WDR25: variants seen among roughly 807,000 people sequenced by gnomAD.
WDR25 encodes WD repeat domain 25, also known as WD repeat-containing protein 25.
In WDR25, 35 loss-of-function variants were observed where a neutral mutation model predicts 47.7. The ratio of observed to expected loss-of-function variants is 0.73; its 90% CI spans 0.56 to 0.97. The LOEUF is 0.97. WDR25 is among the 50% of genes least tolerant of loss of function. WDR25 has a pLI of 0.00. For synonymous variants in WDR25, 248 were observed against 278.9 expected, an observed-to-expected ratio of 0.89 and a Z score of 1.10; for missense variants, 634 against 704.7, an observed-to-expected ratio of 0.90 and a Z score of 1.14.
chr14:100,437,213 G>C (rs1412176785), intron 2 of WDR25, among the ~76,000 whole-genome samples: 3 of 152,166 alleles, frequency 2.0e-5, no homozygotes, highest in East Asian at 3.8e-4. Flanking sequence ...CCACACGTTG[G>C]TCTTGCTCCT....
chr14:100,494,123 A>G (rs1900655782), intron 4 of WDR25, among the ~76,000 whole-genome samples: 2 of 152,220 alleles, frequency 1.3e-5, no homozygotes, highest in Non-Finnish European at 2.9e-5. Flanking sequence ...CAATGCTGTG[A>G]TCACAGCTTA....
At chr14:100,459,930 A>G (rs1168333097) in intron 2 of WDR25, among the ~76,000 whole-genome samples, 5 of 110,268 alleles carry the variant, frequency 4.5e-5, no homozygotes, top group South Asian at 2.8e-4. Flanking sequence ...ATATATATAT[A>G]TATATATATA....
intron 4 of WDR25, among the ~76,000 whole-genome samples, chr14:100,519,593 G>T (rs1458102503): frequency 6.7e-6 from 1 of 150,212 alleles, no homozygotes; most frequent in Admixed American, 6.7e-5. Context: ...ACCATGGTAA[G>T]TAGAGATATG....
chr14:100,480,324 T>C (rs1900158483), intron 3 of WDR25, among the ~76,000 whole-genome samples: 1 of 152,246 alleles, frequency 6.6e-6, no homozygotes, highest in African/African-American at 2.4e-5. Flanking sequence ...TCTTGTGCTA[T>C]CTGCACTGCA....
At chr14:100,524,002 C>T (rs1383919505) in intron 4 of WDR25, among the ~76,000 whole-genome samples, 1 of 152,148 alleles carries the variant, frequency 6.6e-6, no homozygotes, top group African/African-American at 2.4e-5. Flanking sequence ...ACTTCAAAGG[C>T]CAGCCTTCCA....
intron 2 of WDR25, among the ~76,000 whole-genome samples, chr14:100,389,501 A>G (rs74087621): frequency 0.017 from 2,614 of 152,058 alleles, 87 homozygotes; most frequent in African/African-American, 0.06. Flanking sequence ...TCTCATGCGG[A>G]CCCCTCATAT....
intron 2 of WDR25, among the ~76,000 whole-genome samples, chr14:100,386,775 C>A (rs745592123): frequency 6.6e-6 from 1 of 152,128 alleles, no homozygotes; most frequent in Non-Finnish European, 1.5e-5. Flanking sequence ...CGGCTGTAGT[C>A]CCAGCTGCTC....
At chr14:100,379,942 A>G (rs1377336803) in intron 1 of WDR25, among the ~76,000 whole-genome samples, 1 of 149,436 alleles carries the variant, frequency 6.7e-6, no homozygotes, top group Non-Finnish European at 1.5e-5. Context: ...GGGTTTCACT[A>G]TGTTGGCCAG....
chr14:100,466,544 T>TGCCATGTGCTGTGCAGCCATTAC (rs1899634121), intron 2 of WDR25, among the ~76,000 whole-genome samples: 1 of 152,240 alleles, frequency 6.6e-6, no homozygotes, highest in Non-Finnish European at 1.5e-5. Flanking sequence ...CCAGCCATTA[T>TGCCATGTGCTGTGCAGCCATTAC]GCCATGTGCT....
At chr14:100,469,138 C>T (rs1899743402) in intron 3 of WDR25, among the ~76,000 whole-genome samples, 1 of 152,122 alleles carries the variant, frequency 6.6e-6, no homozygotes, top group Non-Finnish European at 1.5e-5. Flanking sequence ...ATCTTGCCTG[C>T]CTAGCCCCGC....
chr14:100,446,550 C>CAA (rs55946078), intron 2 of WDR25, among the ~76,000 whole-genome samples: 18 of 74,958 alleles, frequency 2.4e-4, no homozygotes, highest in African/African-American at 7.4e-4. Flanking sequence ...GACTCCATCT[C>CAA]AAAAAAAAAA....
chr14:100,457,438 C>A (rs1899242307), intron 2 of WDR25, among the ~76,000 whole-genome samples: 1 of 152,218 alleles, frequency 6.6e-6, no homozygotes, highest in South Asian at 2.1e-4. Flanking sequence ...ACCAAAACCA[C>A]TGTCAACCCC....
At position 100,497,551 on chromosome 14, in the gene WDR25, C is replaced by T. The variant is rs145361132; in HGVS notation, c.1101+13427C>T. On this transcript the variant is annotated intron_variant, in intron 4 of 6. Coordinates refer to ENST00000402312, the MANE Select transcript of WDR25 (RefSeq NM_001161476.3). ...CTGTACTAGTCACTTCTCTGAGTTT[C>T]TGTCTCTCTCTCACAAGCCACCTGC... is the stretch of plus-strand genomic sequence containing the variant. Among the ~76,000 whole-genome samples, 20 of 152,326 alleles carry T rather than the reference C, an allele frequency of 1.3e-4. No individual in the cohort carries two copies. In the East Asian group the frequency reaches 3.9e-3, roughly 29 times the overall value.
At chr14:100,451,510 T>A (rs1208273327) in intron 2 of WDR25, among the ~76,000 whole-genome samples, 1 of 152,220 alleles carries the variant, frequency 6.6e-6, no homozygotes, top group African/African-American at 2.4e-5. Flanking sequence ...ATCAGCCACC[T>A]TGCCTGGCTC....
rs568960378 is a variant in WDR25 at position 100,404,323 on chromosome 14, C to A, written c.822+22577C>A. On this transcript the variant is annotated intron_variant, in intron 2 of 6. Transcript: ENST00000402312. This position sits in a 1 kb window ranked among gnomAD's most constrained non-coding sequence, Gnocchi z 4.6. ...CTATGTTCGTTCCACTCTCCCACGCCAGCCCGTAAGTGTAAAGCAGATGTT... is the reference window on the plus strand; with the variant it reads ...CTATGTTCGTTCCACTCTCCCACGCAAGCCCGTAAGTGTAAAGCAGATGTT... Among the ~76,000 whole-genome samples, 1 of 152,350 alleles carries A rather than the reference C, an allele frequency of 6.6e-6. No individual in the cohort carries two copies. The highest frequency in any genetic ancestry group is 1.5e-5 in the Non-Finnish European group (1 of 68,038).
At chr14:100,462,579 C>T (rs1236637759) in intron 2 of WDR25, among the ~76,000 whole-genome samples, 2 of 152,136 alleles carry the variant, frequency 1.3e-5, no homozygotes, top group Non-Finnish European at 2.9e-5. Flanking sequence ...GCCAAGTGTG[C>T]GTTTTTCACT....
chr14:100,527,561 C>A (rs1043757202), intron 5 of WDR25, among the ~76,000 whole-genome samples: 1 of 152,242 alleles, frequency 6.6e-6, no homozygotes, highest in East Asian at 1.9e-4. Context: ...TAGACCTCCA[C>A]TGCAGGGTGT....
chr14:100,378,231 G>A (rs143219304), intron 1 of WDR25, among the ~76,000 whole-genome samples: 2,046 of 151,756 alleles, frequency 0.013, 49 homozygotes, highest in African/African-American at 0.047. Context: ...GTGCAATGGC[G>A]CGATCTTGGC....
At position 100,449,263 on chromosome 14, in the gene WDR25, C is replaced by A. The variant is rs1464479568; in HGVS notation, c.823-18758C>A. 2.0e-5 allele frequency among the ~76,000 whole-genome samples: 3 copies of A among 152,386 alleles called. No homozygotes were observed. In the East Asian group the frequency reaches 5.8e-4, roughly 29 times the overall value. On this transcript the variant is annotated intron_variant, in intron 2 of 6. Coordinates refer to ENST00000402312, the MANE Select transcript of WDR25 (RefSeq NM_001161476.3). The surrounding 1 kb of genome is among the most constrained non-coding windows in gnomAD (Gnocchi z 4.2). ...TCTTGATGAAAACGATCACTTCCATCCCAGCCCCATCAGGGAGGGCCAGGG... is the reference window on the plus strand; with the variant it reads ...TCTTGATGAAAACGATCACTTCCATACCAGCCCCATCAGGGAGGGCCAGGG...
Sources: allele counts gnomAD v4.1 joint callset (sites outside exome capture counted in the v4.1 genomes callset), GRCh38; gene constraint gnomAD v4.1.1; non-coding constraint Gnocchi (gnomAD v3.1); transcripts MANE v1.5; gene names NCBI Gene and HGNC (gene_info 2026-07-23, HGNC 2026-07-21).